FHIT: variants seen among roughly 807,000 people sequenced by gnomAD.
The protein encoded by FHIT is fragile histidine triad diadenosine triphosphatase, also known as bis(5'-adenosyl)-triphosphatase.
FHIT carries 19 observed loss-of-function variants against 17.9 expected under a neutral mutation model. That is an observed-to-expected ratio of 1.06 (90% CI 0.74 to 1.56). The LOEUF is 1.56. Ranked by LOEUF, FHIT falls within the 40% of genes most tolerant of loss-of-function variation. The probability of loss-of-function intolerance (pLI) is 0.00; values close to 1 mark genes in which losing one functional copy is unlikely to be tolerated. For missense variants in FHIT, 248 were observed against 189.2 expected, an observed-to-expected ratio of 1.31 and a Z score of -1.82; for synonymous variants, 81 against 69.7, an observed-to-expected ratio of 1.16 and a Z score of -0.81.
chr3:61,042,633 G>A (rs535187229), intron 2 of FHIT, among the ~76,000 whole-genome samples: 271 of 152,188 alleles, frequency 1.8e-3, no homozygotes, highest in African/African-American at 6.1e-3. Flanking sequence ...GAGGTCAGCC[G>A]TTCGAGACCA....
At chr3:59,795,284 T>A (rs1355954325) in intron 8 of FHIT, among the ~76,000 whole-genome samples, 3 of 151,816 alleles carry the variant, frequency 2.0e-5, no homozygotes, top group Non-Finnish European at 4.4e-5. Flanking sequence ...CTAGGGAGGC[T>A]GAGGCAGGAG....
At chr3:60,645,921 A>G (rs2039845865) in intron 4 of FHIT, among the ~76,000 whole-genome samples, 1 of 152,194 alleles carries the variant, frequency 6.6e-6, no homozygotes, top group Admixed American at 6.5e-5. Flanking sequence ...ATGTTCCCAG[A>G]TTCAAATAAA....
chr3:59,881,640 A>C (rs1453200517), intron 8 of FHIT, among the ~76,000 whole-genome samples: 3 of 152,234 alleles, frequency 2.0e-5, no homozygotes, highest in Non-Finnish European at 2.9e-5. Flanking sequence ...CTCTATGAAG[A>C]CTTCAAATCA....
intron 5 of FHIT, among the ~76,000 whole-genome samples, chr3:60,474,922 C>T (rs2033270383): frequency 6.6e-6 from 1 of 152,060 alleles, no homozygotes; most frequent in Non-Finnish European, 1.5e-5. Flanking sequence ...CGCACCTGGC[C>T]AACACAATAC....
intron 4 of FHIT, among the ~76,000 whole-genome samples, chr3:60,709,146 G>A (rs928421315): frequency 6.6e-6 from 1 of 152,148 alleles, no homozygotes; most frequent in African/African-American, 2.4e-5. Flanking sequence ...TACCATGTTA[G>A]AAATTAAAAC....
intron 5 of FHIT, among the ~76,000 whole-genome samples, chr3:60,265,265 T>C (rs954536421): frequency 1.8e-5 from 1 of 54,460 alleles, no homozygotes; most frequent in Admixed American, 2.0e-4. Flanking sequence ...TATAGACATA[T>C]TTAGCAAGCA....
intron 5 of FHIT, among the ~76,000 whole-genome samples, chr3:60,062,220 T>C (rs987371179): frequency 3.3e-5 from 5 of 152,110 alleles, no homozygotes; most frequent in Admixed American, 2.6e-4. Context: ...AAATTAGACA[T>C]GGCCTTCTTC....
intron 4 of FHIT, among the ~76,000 whole-genome samples, chr3:60,570,598 C>CA (rs2037341472): frequency 6.6e-6 from 1 of 152,078 alleles, no homozygotes; most frequent in Non-Finnish European, 1.5e-5. Flanking sequence ...ACTGAAGTCA[C>CA]AGTTTGATGC....
intron 5 of FHIT, among the ~76,000 whole-genome samples, chr3:60,506,982 C>G (rs1034813944): frequency 6.6e-6 from 1 of 151,938 alleles, no homozygotes; most frequent in Non-Finnish European, 1.5e-5. Context: ...GCTGAAGTTA[C>G]TATAGTGAAA....
chr3:60,831,242 A>G lies in FHIT; in HGVS notation c.-110-9231T>C, dbSNP rs1702316068. ...AAGGAAAGGAACGAGTTGAAGCTGAAAAACATATGTTTTTAGGAGGTAAGT... is the reference window on the plus strand; with the variant it reads ...AAGGAAAGGAACGAGTTGAAGCTGAGAAACATATGTTTTTAGGAGGTAAGT... On this transcript the variant is annotated intron_variant, in intron 3 of 9. Transcript: ENST00000492590. 2.6e-5 allele frequency among the ~76,000 whole-genome samples: 4 copies of G among 152,180 alleles called. No individual in the cohort carries two copies. The South Asian group carries it at 8.3e-4, about 31-fold the overall frequency.
At chr3:60,439,249 G>C (rs114110478) in intron 5 of FHIT, among the ~76,000 whole-genome samples, 8,150 of 152,128 alleles carry the variant, frequency 0.054, 292 homozygotes, top group Middle Eastern at 0.13. Flanking sequence ...ATTTAAGGAG[G>C]TCTAGAACCA....
At chr3:60,761,035 A>G (rs1553719693) in intron 4 of FHIT, among the ~76,000 whole-genome samples, 1 of 152,202 alleles carries the variant, frequency 6.6e-6, no homozygotes, top group African/African-American at 2.4e-5. Context: ...CTTATAAATT[A>G]TCCCCAGTAT....
intron 8 of FHIT, among the ~76,000 whole-genome samples, chr3:59,909,494 T>A (rs1286348749): frequency 6.6e-6 from 1 of 152,130 alleles, no homozygotes; most frequent in East Asian, 1.9e-4. Flanking sequence ...CACACCTGGC[T>A]AATTTTTGTA....
chr3:61,115,026 G>A (rs978845810), intron 2 of FHIT, among the ~76,000 whole-genome samples: 1 of 152,134 alleles, frequency 6.6e-6, no homozygotes, highest in African/African-American at 2.4e-5. Context: ...ACTAGTGGAG[G>A]ATATGCTAAT....
chr3:60,553,391 C>T (rs924249328), intron 4 of FHIT: 2 of 979,314 alleles, frequency 2.0e-6, no homozygotes, highest in African/African-American at 3.5e-5. Flanking sequence ...CCTTCTTCCA[C>T]TGATTGATCC....
At chr3:60,197,360 G>C (rs1370059944) in intron 5 of FHIT, among the ~76,000 whole-genome samples, 1 of 151,950 alleles carries the variant, frequency 6.6e-6, no homozygotes, top group East Asian at 1.9e-4. Flanking sequence ...GAAATAATAG[G>C]ATACAGTGGG....
At chr3:59,765,015 G>T (rs1396243500) in intron 8 of FHIT, among the ~76,000 whole-genome samples, 1 of 152,142 alleles carries the variant, frequency 6.6e-6, no homozygotes, top group Non-Finnish European at 1.5e-5. Flanking sequence ...TTTCTCAGCT[G>T]CCTACTATGT....
At chr3:60,688,120 TATTTTAATAGACTAGTTTAATAA>T (rs1423424553) in intron 4 of FHIT, among the ~76,000 whole-genome samples, 1 of 152,212 alleles carries the variant, frequency 6.6e-6, no homozygotes, top group African/African-American at 2.4e-5. Context: ...ACAGTTGTTG[TATTTTAATAGACTAGTTTAATAA>T]ACATTTCACA....
chr3:60,028,198 T>A (rs1416529955), intron 5 of FHIT, among the ~76,000 whole-genome samples: 1 of 152,174 alleles, frequency 6.6e-6, no homozygotes, highest in African/African-American at 2.4e-5. Context: ...TGAATTGCTA[T>A]GTGTAATTCT....
Sources: allele counts gnomAD v4.1 joint callset (sites outside exome capture counted in the v4.1 genomes callset), GRCh38; gene constraint gnomAD v4.1.1; transcripts MANE v1.5; gene names NCBI Gene and HGNC (gene_info 2026-07-23, HGNC 2026-07-21).